The following AOX1 variants were observed in gnomAD, a reference collection of about 807,000 sequenced individuals.
AOX1 encodes the protein aldehyde oxidase.
AOX1 carries 153 observed loss-of-function variants against 169.5 expected under a neutral mutation model. The ratio of observed to expected loss-of-function variants is 0.90; its 90% CI spans 0.79 to 1.03. The LOEUF is 1.03. Among genes scored for constraint, AOX1 ranks in the 50% least tolerant of loss-of-function variants. AOX1 has a pLI of 0.00. For missense variants in AOX1, 1,656 were observed against 1,663.9 expected (o/e 1.00, Z 0.08); for synonymous variants, 562 against 581.9 (o/e 0.97, Z 0.49).
intron 16 of AOX1, 122 bp from the exon 17 acceptor site, chr2:200,620,528 G>A: frequency 1.0e-6 from 1 of 956,414 alleles, no homozygotes; most frequent in Non-Finnish European, 1.5e-6. Context: ...TTTTTCATAT[G>A]CAAAAGTATT....
chr2:200,638,220 G>A lies in AOX1; in HGVS notation c.2486G>A (p.Gly829Asp), dbSNP rs2105743693. The A allele has an allele frequency of 1.9e-6, 3 of 1,613,372 alleles. No individual in the cohort carries two copies. The highest frequency in any genetic ancestry group is 2.5e-6 in the Non-Finnish European group (3 of 1,179,478). Reference sequence around the variant, plus strand: ...TTACTTTTTTTCTGTTTTAGACATGGCCGTGCAGTTCGCTGTGTTCTGGAA... The same window carrying A: ...TTACTTTTTTTCTGTTTTAGACATGACCGTGCAGTTCGCTGTGTTCTGGAA... ...AVTAFAANKHGRAVRCVLERG... is the reference protein window; with the variant it reads ...AVTAFAANKHDRAVRCVLERG... Residue 829 changes from glycine (G) to aspartate (D), a missense_variant, in exon 23 of 35, where the codon GGC becomes GAC. Coordinates refer to ENST00000374700, the MANE Select transcript of AOX1 (RefSeq NM_001159.4).
downstream of AOX1, among the ~76,000 whole-genome samples, chr2:200,672,190 A>C (rs1456501746): frequency 6.6e-6 from 1 of 152,198 alleles, no homozygotes; most frequent in African/African-American, 2.4e-5. Context: ...GGGTGAGAAA[A>C]ATGTTCTAGA....
intron 10 of AOX1, among the ~76,000 whole-genome samples, chr2:200,608,560 C>G (rs1242871779): frequency 1.3e-5 from 2 of 152,196 alleles, no homozygotes; most frequent in African/African-American, 2.4e-5. Flanking sequence ...AGTTACTCAA[C>G]TCTCAGTTTC....
At chr2:200,588,856 G>A (rs1478470062) in intron 1 of AOX1, among the ~76,000 whole-genome samples, 1 of 149,702 alleles carries the variant, frequency 6.7e-6, no homozygotes. Context: ...GTTTCACTAT[G>A]TTGGCCAAGC....
At chr2:200,627,321 C>G (rs1358022615) in intron 19 of AOX1, 32 bp from the exon 20 acceptor site, 6 of 1,526,090 alleles carry the variant, frequency 3.9e-6, no homozygotes, top group Non-Finnish European at 5.4e-6. Flanking sequence ...GTCTCTTGCC[C>G]AAGCTGCCTC....
intron 27 of AOX1, among the ~76,000 whole-genome samples, chr2:200,658,254 A>G (rs1259484781): frequency 6.6e-6 from 1 of 152,244 alleles, no homozygotes; most frequent in African/African-American, 2.4e-5. Context: ...AGTGAATGTT[A>G]TGGATTGTTG....
intron 32 of AOX1, among the ~76,000 whole-genome samples, chr2:200,667,093 C>T (rs936912525): frequency 2.0e-5 from 3 of 152,146 alleles, no homozygotes; most frequent in Non-Finnish European, 2.9e-5. Context: ...GCTTCAGCTT[C>T]GAGGAGTTTG....
chr2:200,599,038 G>A (rs1033827390), intron 4 of AOX1, among the ~76,000 whole-genome samples: 3 of 152,062 alleles, frequency 2.0e-5, no homozygotes, highest in South Asian at 2.1e-4. Flanking sequence ...TCATTGATGC[G>A]GAACTCCCAT....
At chr2:200,599,195 TG>T (rs1456394618) in intron 4 of AOX1, among the ~76,000 whole-genome samples, 2 of 152,254 alleles carry the variant, frequency 1.3e-5, no homozygotes, top group East Asian at 1.9e-4. Flanking sequence ...CTTCTCAACT[TG>T]AGTGTAATTT....
intron 1 of AOX1, among the ~76,000 whole-genome samples, chr2:200,592,343 G>A (rs1052708079): frequency 1.3e-5 from 2 of 152,152 alleles, no homozygotes; most frequent in African/African-American, 4.8e-5. Context: ...CTACTTCCCA[G>A]GAGGGAAAAT....
chr2:200,605,302 T>C (rs1347657223), intron 9 of AOX1, among the ~76,000 whole-genome samples: 1 of 152,184 alleles, frequency 6.6e-6, no homozygotes, highest in East Asian at 1.9e-4. Context: ...GAGAGAATTT[T>C]GAACATGCCA....
chr2:200,618,101 T>C (rs2034804874), intron 16 of AOX1, among the ~76,000 whole-genome samples: 1 of 152,148 alleles, frequency 6.6e-6, no homozygotes, highest in Non-Finnish European at 1.5e-5. Flanking sequence ...TCTCTCATTT[T>C]CCCTAGTCCC....
In AOX1 at chr2:200,621,054, A is replaced by T; in HGVS notation, c.1875-66A>T. The T allele has an allele frequency of 2.0e-6, 3 of 1,529,884 alleles. No homozygotes were observed. In the South Asian group the frequency reaches 3.7e-5, roughly 19 times the overall value. 94.8% of individuals were successfully genotyped at this position (1,529,884 alleles called of 1,614,324 possible). A position where few individuals can be genotyped will look rare whatever the true frequency, so the allele number is the denominator to read the frequency against. On this transcript the variant is annotated intron_variant, in intron 17 of 34. Transcript: ENST00000374700. Reference sequence around the variant, plus strand: ...GTTCTTACCTCTCTCATATCTTATTATCCAATTAACCATGTTCTTGGCCTC... The same window carrying T: ...GTTCTTACCTCTCTCATATCTTATTTTCCAATTAACCATGTTCTTGGCCTC...
intron 9 of AOX1, 26 bp from the exon 10 acceptor site, chr2:200,605,510 A>AT (rs3038607): frequency 0.11 from 136,213 of 1,194,562 alleles, 1,746 homozygotes; most frequent in Non-Finnish European, 0.13. Flanking sequence ...AGTCTTATTG[A>AT]TTTTTTTTTT....
chr2:200,631,183 C>A (rs1211067807), intron 20 of AOX1, among the ~76,000 whole-genome samples: 1 of 152,170 alleles, frequency 6.6e-6, no homozygotes, highest in Non-Finnish European at 1.5e-5. Context: ...GTCACAGCAC[C>A]AGAGGATGCT....
chr2:200,677,236 AAGG>A (rs1311242234), downstream of AOX1, among the ~76,000 whole-genome samples: 1 of 152,006 alleles, frequency 6.6e-6, no homozygotes, highest in Non-Finnish European at 1.5e-5. Flanking sequence ...GGGAGGGAAA[AAGG>A]AGGAAAGGAG....
chr2:200,634,843 G>T lies in AOX1; in HGVS notation c.2274G>T (p.Met758Ile). 6.2e-7 allele frequency: 1 copy of T among 1,614,074 alleles called. No homozygotes were observed. The highest frequency in any genetic ancestry group is 1.1e-5 in the South Asian group (1 of 91,086). Residue 758 changes from methionine to isoleucine, a missense_variant, in exon 21 of 35, where the codon ATG (methionine) becomes ATT (isoleucine). Physicochemically the swap from Met to Ile is conservative, Grantham distance 10. Transcript: ENST00000374700. Reference sequence around the variant, plus strand: ...ATTTTTATATGGAAACCCAAAGCATGCTTGTCGTTCCCAAGGGAGAGGATC... The same window carrying T: ...ATTTTTATATGGAAACCCAAAGCATTCTTGTCGTTCCCAAGGGAGAGGATC... ...QEHFYMETQS[M>I]LVVPKGEDQE...
Position 200,605,545 on chromosome 2 carries a change from T to A in AOX1, c.824T>A (p.Val275Glu), listed in dbSNP as rs1163274156. 1.3e-6 allele frequency: 2 copies of A among 1,543,722 alleles called. No individual in the cohort carries two copies. The highest frequency in any genetic ancestry group is 1.7e-6 in the Non-Finnish European group (2 of 1,146,024). Residue 275 changes from valine to glutamate, a missense_variant, in exon 10 of 35, where the codon GTG (valine) becomes GAG (glutamate). By Grantham distance (121) the Val-to-Glu change is moderately radical. Transcript: ENST00000374700. ...TTTTTTGATCCTTTAGGGCCTGAAG[T>A]GAAATTTAAAGGCGTCTTTCACCCA... Reference protein sequence around the residue: ...IMGNTSVGPEVKFKGVFHPVI... With the variant: ...IMGNTSVGPEEKFKGVFHPVI...
At chr2:200,596,430 C>T (rs1245895908) in intron 3 of AOX1, among the ~76,000 whole-genome samples, 1 of 152,184 alleles carries the variant, frequency 6.6e-6, no homozygotes, top group African/African-American at 2.4e-5. Context: ...CCTGTCTCTC[C>T]CCCAGCCTTC....
Sources: gnomAD v4.1 joint callset for allele counts (sites outside exome capture counted in the v4.1 genomes callset) on GRCh38, gnomAD v4.1.1 for gene constraint, MANE v1.5 for transcripts, NCBI Gene and HGNC (gene_info 2026-07-23, HGNC 2026-07-21) for gene names.